DLGAP2: variants seen among roughly 807,000 people sequenced by gnomAD.
DLGAP2 encodes the protein DLG associated protein 2.
DLGAP2 carries 26 observed loss-of-function variants against 100.3 expected under a neutral mutation model. The observed-to-expected ratio is 0.26, with a 90% CI of 0.19 to 0.36. The LOEUF (loss-of-function observed/expected upper bound fraction) is 0.36, where lower values mean the gene tolerates loss of function less well. Among genes scored for constraint, DLGAP2 ranks in the 10% least tolerant of loss-of-function variants. The pLI is 1.00. For missense variants in DLGAP2, 1,858 were observed against 1,453.2 expected, an observed-to-expected ratio of 1.28 and a Z score of -4.53; for synonymous variants, 886 against 630.1, an observed-to-expected ratio of 1.41 and a Z score of -6.08.
At chr8:1,497,425 G>A (rs1054780667) in intron 3 of DLGAP2, among the ~76,000 whole-genome samples, 1 of 152,184 alleles carries the variant, frequency 6.6e-6, no homozygotes, top group Non-Finnish European at 1.5e-5. Flanking sequence ...AGAGAGAGCT[G>A]TAGTTGTATG....
chr8:1,378,626 C>T (rs1276519688), intron 3 of DLGAP2, among the ~76,000 whole-genome samples: 4 of 152,120 alleles, frequency 2.6e-5, no homozygotes, highest in East Asian at 1.9e-4. Context: ...GTCTGTCCTG[C>T]GCACACCTGG....
intron 6 of DLGAP2, among the ~76,000 whole-genome samples, chr8:1,608,568 G>T (rs1167809173): frequency 7.8e-6 from 1 of 128,538 alleles, no homozygotes; most frequent in East Asian, 2.4e-4. Flanking sequence ...GAGAGAAGAA[G>T]GCTTCAGACG....
intron 3 of DLGAP2, among the ~76,000 whole-genome samples, chr8:1,339,597 C>G (rs1379557218): frequency 6.6e-6 from 1 of 152,214 alleles, no homozygotes; most frequent in Non-Finnish European, 1.5e-5. Context: ...TCCATGTTTT[C>G]TGATGTAGAA....
chr8:1,060,778 C>T (rs911982574), intron 2 of DLGAP2, among the ~76,000 whole-genome samples: 1 of 152,162 alleles, frequency 6.6e-6, no homozygotes, highest in Non-Finnish European at 1.5e-5. Flanking sequence ...CAGAGAGGGG[C>T]CTGCGGGTTC....
chr8:1,568,232 C>T (rs1308396594), intron 6 of DLGAP2, among the ~76,000 whole-genome samples: 2 of 135,002 alleles, frequency 1.5e-5, no homozygotes, highest in African/African-American at 2.9e-5. Context: ...TCAGTAGACA[C>T]AAATCCACTC....
At chr8:1,537,926 G>C (rs1435476884) in intron 4 of DLGAP2, among the ~76,000 whole-genome samples, 2 of 152,182 alleles carry the variant, frequency 1.3e-5, no homozygotes, top group Non-Finnish European at 1.5e-5. Flanking sequence ...CTTACAATGG[G>C]TCTTAAAGAT....
chr8:1,216,142 G>A (rs1007215728), intron 2 of DLGAP2, among the ~76,000 whole-genome samples: 2 of 152,188 alleles, frequency 1.3e-5, no homozygotes, highest in Admixed American at 1.3e-4. Context: ...CTAGACAGGG[G>A]AGTGTGTGTT....
intron 6 of DLGAP2, 129 bp from the exon 7 acceptor site, chr8:1,626,611 G>A: frequency 8.3e-7 from 1 of 1,205,132 alleles, no homozygotes. Flanking sequence ...GGTGTGGGTT[G>A]GACGGTCGTT....
intron 2 of DLGAP2, among the ~76,000 whole-genome samples, chr8:1,006,578 G>T (rs1801116587): frequency 1.7e-5 from 1 of 60,280 alleles, no homozygotes; most frequent in African/African-American, 7.2e-5. Flanking sequence ...TCACGTCGGG[G>T]GCGCCCTGCG....
chr8:1,671,207 G>A (rs1585049686), intron 10 of DLGAP2, among the ~76,000 whole-genome samples: 1 of 152,334 alleles, frequency 6.6e-6, no homozygotes, highest in Middle Eastern at 3.4e-3. Context: ...TTCTCAAAGA[G>A]GAGAAAATCC....
At chr8:917,360 C>G (rs1459167493) in intron 2 of DLGAP2, among the ~76,000 whole-genome samples, 1 of 151,618 alleles carries the variant, frequency 6.6e-6, no homozygotes, top group Non-Finnish European at 1.5e-5. Context: ...CACCTCAGCC[C>G]CTCAAGTAGC....
intron 2 of DLGAP2, among the ~76,000 whole-genome samples, chr8:1,253,218 G>T (rs547098852): frequency 1.3e-5 from 2 of 152,350 alleles, no homozygotes; most frequent in South Asian, 4.1e-4. Context: ...AGGAGCTCCA[G>T]CCAAGGCCCC....
intron 3 of DLGAP2, among the ~76,000 whole-genome samples, chr8:1,320,211 G>C (rs1337723300): frequency 6.6e-6 from 1 of 152,006 alleles, no homozygotes; most frequent in Non-Finnish European, 1.5e-5. Flanking sequence ...AATGGGGAAG[G>C]GTAAGGATGA....
chr8:1,494,131 GTGGGTCATGTCCTTC>G (rs1486303043), intron 3 of DLGAP2, among the ~76,000 whole-genome samples: 4 of 152,248 alleles, frequency 2.6e-5, no homozygotes, highest in Non-Finnish European at 5.9e-5. Flanking sequence ...GTGGACGAAA[GTGGGTCATGTCCTTC>G]TCTTGGTGTT....
chr8:1,589,584 G>A (rs991612956), intron 6 of DLGAP2, among the ~76,000 whole-genome samples: 12 of 152,142 alleles, frequency 7.9e-5, no homozygotes, highest in South Asian at 2.1e-4. Context: ...ACAGGCTTGC[G>A]CCACCATGCC....
At chr8:928,616 TA>T (rs1046940212) in intron 2 of DLGAP2, among the ~76,000 whole-genome samples, 7 of 150,698 alleles carry the variant, frequency 4.6e-5, no homozygotes, top group Admixed American at 1.3e-4. Flanking sequence ...TTTAGAGGAA[TA>T]AAAAAAAATA....
intron 6 of DLGAP2, among the ~76,000 whole-genome samples, chr8:1,573,288 C>A (rs1281371003): frequency 6.2e-5 from 7 of 112,052 alleles, no homozygotes; most frequent in African/African-American, 2.6e-4. Context: ...GTGGGGGTGT[C>A]TGATGAGATG....
At chr8:963,220 A>G (rs1279904638) in intron 2 of DLGAP2, among the ~76,000 whole-genome samples, 2 of 152,058 alleles carry the variant, frequency 1.3e-5, no homozygotes, top group African/African-American at 4.8e-5. Context: ...GCAGAGGTGG[A>G]TGTAGCTTCG....
chr8:1,674,857 C>T (rs1045551330), intron 10 of DLGAP2, among the ~76,000 whole-genome samples: 2 of 152,308 alleles, frequency 1.3e-5, no homozygotes, highest in East Asian at 3.9e-4. Flanking sequence ...ACTTAAAACA[C>T]GAGGCAGCTC....
Sources: allele counts gnomAD v4.1 joint callset (sites outside exome capture counted in the v4.1 genomes callset), GRCh38; gene constraint gnomAD v4.1.1; transcripts MANE v1.5; gene names NCBI Gene and HGNC (gene_info 2026-07-23, HGNC 2026-07-21).